Variants in GPC5 observed in about 807,000 individuals in gnomAD.
GPC5 encodes the protein glypican 5.
In GPC5, 47 loss-of-function variants were observed where a neutral mutation model predicts 53.9. That is an observed-to-expected ratio of 0.87 (90% CI 0.69 to 1.11). The LOEUF (loss-of-function observed/expected upper bound fraction) is 1.11, where lower values mean the gene tolerates loss of function less well. Ranked by LOEUF, GPC5 falls within the 50% of genes most tolerant of loss-of-function variation. GPC5 has a pLI of 0.00. For missense variants in GPC5, 748 were observed against 713.1 expected (o/e 1.05, Z -0.56); for synonymous variants, 286 against 263.3 (o/e 1.09, Z -0.84).
At chr13:91,831,522 T>C (rs113784128) in intron 5 of GPC5, among the ~76,000 whole-genome samples, 6,725 of 152,088 alleles carry the variant, frequency 0.044, 174 homozygotes, top group Middle Eastern at 0.062. Context: ...TATATTAGTG[T>C]CTACAGTCTG....
chr13:92,662,939 G>C (rs1047710189), intron 7 of GPC5, among the ~76,000 whole-genome samples: 7 of 152,012 alleles, frequency 4.6e-5, no homozygotes, highest in African/African-American at 1.7e-4. Flanking sequence ...ATTTTCACGT[G>C]AATTTTTCTC....
At chr13:91,693,997 A>AT in intron 3 of GPC5, 116 bp downstream of exon 3, 1 of 781,506 alleles carries the variant, frequency 1.3e-6, no homozygotes, top group South Asian at 2.0e-5. Context: ...CCAAGATATT[A>AT]TTTTTTTATA....
At chr13:92,624,451 G>T (rs1884982242) in intron 7 of GPC5, among the ~76,000 whole-genome samples, 1 of 152,082 alleles carries the variant, frequency 6.6e-6, no homozygotes, top group Non-Finnish European at 1.5e-5. Flanking sequence ...GTTTACTTCT[G>T]CCATGTCCAT....
chr13:91,712,739 G>A (rs373589775), intron 3 of GPC5, among the ~76,000 whole-genome samples: 1 of 151,988 alleles, frequency 6.6e-6, no homozygotes, highest in African/African-American at 2.4e-5. Flanking sequence ...GAACAAAGAG[G>A]TATTAGTAGT....
At chr13:91,662,522 C>G (rs1210039880) in intron 2 of GPC5, among the ~76,000 whole-genome samples, 1 of 151,706 alleles carries the variant, frequency 6.6e-6, no homozygotes, top group Non-Finnish European at 1.5e-5. Flanking sequence ...AAAATTGGGG[C>G]AGTAAAAGTA....
intron 7 of GPC5, among the ~76,000 whole-genome samples, chr13:92,590,135 A>T (rs1025715636): frequency 6.6e-6 from 1 of 152,220 alleles, no homozygotes. Flanking sequence ...TCCCCAGCCA[A>T]CATGAGGGGA....
chr13:91,643,762 C>T (rs1428723750), intron 2 of GPC5, among the ~76,000 whole-genome samples: 1 of 152,112 alleles, frequency 6.6e-6, no homozygotes, highest in Admixed American at 6.5e-5. Flanking sequence ...CACATGGCCT[C>T]CCCCCTGTGT....
In GPC5 at chr13:91,403,037, C is replaced by T. The variant is rs537553051; in HGVS notation, c.163+3828C>T. On this transcript the variant is annotated intron_variant, in intron 1 of 7. Coordinates refer to ENST00000377067, the MANE Select transcript of GPC5 (RefSeq NM_004466.6). ...GTGCTTCTAAGGTGGTTTACAGATTCACACAATTAGAATGTTGGTGGCCAT... is the reference window on the plus strand; with the variant it reads ...GTGCTTCTAAGGTGGTTTACAGATTTACACAATTAGAATGTTGGTGGCCAT... 9.6e-4 allele frequency among the ~76,000 whole-genome samples: 146 copies of T among 152,332 alleles called. 1 individual carries two copies. Among genetic ancestry groups the T allele is most frequent in the African/African-American group, 3.2e-3 (134 of 41,582 alleles).
chr13:91,981,427 C>T (rs1463025810), intron 6 of GPC5, among the ~76,000 whole-genome samples: 1 of 151,924 alleles, frequency 6.6e-6, no homozygotes, highest in African/African-American at 2.4e-5. Context: ...GTAGCTGGGA[C>T]TACAGGTGCC....
intron 6 of GPC5, among the ~76,000 whole-genome samples, chr13:92,133,219 C>T (rs551539987): frequency 9.9e-4 from 151 of 152,148 alleles, no homozygotes; most frequent in African/African-American, 3.5e-3. Flanking sequence ...TCTTTGTCTA[C>T]AATTTTGTAG....
intron 5 of GPC5, among the ~76,000 whole-genome samples, chr13:91,879,186 G>A (rs779415780): frequency 3.9e-4 from 59 of 152,020 alleles, no homozygotes; most frequent in Admixed American, 3.5e-3. Flanking sequence ...ATGTGCGGAC[G>A]TGCAGGTTTG....
chr13:92,279,369 G>T (rs1281097584), intron 7 of GPC5, among the ~76,000 whole-genome samples: 1 of 151,830 alleles, frequency 6.6e-6, no homozygotes, highest in Non-Finnish European at 1.5e-5. Flanking sequence ...TATTCATCTT[G>T]TGCACTGAAA....
At chr13:92,743,953 G>A (rs949190976) in intron 7 of GPC5, among the ~76,000 whole-genome samples, 3 of 152,118 alleles carry the variant, frequency 2.0e-5, no homozygotes, top group African/African-American at 7.2e-5. Context: ...AAACAGAGGA[G>A]AAACATGATC....
At chr13:92,312,856 T>C (rs2043154551) in intron 7 of GPC5, among the ~76,000 whole-genome samples, 1 of 152,216 alleles carries the variant, frequency 6.6e-6, no homozygotes, top group Admixed American at 6.5e-5. Context: ...ACATAAGCGA[T>C]TTCTGAAATG....
rs766953245 is a variant in GPC5, at chr13:91,693,860, T to C, written c.999T>C (p.Asn333=). The C allele has an allele frequency of 1.9e-6, 3 of 1,596,132 alleles. No individual in the cohort carries two copies. The highest frequency in any genetic ancestry group is 2.6e-6 in the Non-Finnish European group (3 of 1,170,720). ...VNDAVLQAHL[N]GQKLLEQVNR... The stretch of plus-strand genomic sequence containing the variant: ...ATGCTGTGTTACAGGCTCACCTCAA[T>C]GGACAAAAATTATTGGAACAGGTAA... The change falls in exon 3 of 8, where the codon AAT becomes AAC. Residue 333 remains asparagine, a synonymous_variant. Transcript: ENST00000377067.
In GPC5 at chr13:92,347,848, TTTATACATATATATA is replaced by T. The variant is rs2043426076; in HGVS notation, c.1561+202865_1561+202879del. The stretch of plus-strand genomic sequence containing the variant: ...GTTTTATCAGCTTGAAATAGGCTGT[TTTATACATATATATA>T]TTATATATATAATATATATTATATA... On this transcript the variant is annotated intron_variant, in intron 7 of 7. Transcript: ENST00000377067. Among the ~76,000 whole-genome samples, 2 of 32,330 alleles carry T rather than the reference TTTATACATATATATA, an allele frequency of 6.2e-5. 1 individual carries two copies. 21.2% of individuals were successfully genotyped at this position (32,330 alleles called of 152,430 possible). A position where few individuals can be genotyped will look rare whatever the true frequency, so the allele number is the denominator to read the frequency against.
At chr13:91,556,211 C>T (rs989109955) in intron 2 of GPC5, among the ~76,000 whole-genome samples, 1 of 151,940 alleles carries the variant, frequency 6.6e-6, no homozygotes, top group Non-Finnish European at 1.5e-5. Context: ...AAAAACTCAG[C>T]ATAATTCCCT....
intron 7 of GPC5, among the ~76,000 whole-genome samples, chr13:92,707,653 T>A (rs1468727126): frequency 2.0e-5 from 3 of 152,018 alleles, no homozygotes; most frequent in African/African-American, 7.2e-5. Context: ...GCATGTGTAC[T>A]AAGAGCTAGA....
intron 6 of GPC5, among the ~76,000 whole-genome samples, chr13:91,994,172 G>A (rs2040483355): frequency 6.6e-6 from 1 of 152,204 alleles, no homozygotes; most frequent in African/African-American, 2.4e-5. Flanking sequence ...AGTCCTCGAA[G>A]AGGAAAACTG....
Sources: gnomAD v4.1 joint callset for allele counts (sites outside exome capture counted in the v4.1 genomes callset) on GRCh38, gnomAD v4.1.1 for gene constraint, MANE v1.5 for transcripts, NCBI Gene and HGNC (gene_info 2026-07-23, HGNC 2026-07-21) for gene names.